The following LEF1 variants were observed in gnomAD, a reference collection of about 807,000 sequenced individuals.
LEF1 encodes lymphoid enhancer binding factor 1, also known as lymphoid enhancer-binding factor 1.
In LEF1, 14 loss-of-function variants were observed where a neutral mutation model predicts 51.2. That is an observed-to-expected ratio of 0.27 (90% CI 0.18 to 0.43). The LOEUF (loss-of-function observed/expected upper bound fraction) is 0.43, where lower values mean the gene tolerates loss of function less well. LEF1 is among the 20% of genes least tolerant of loss of function. The pLI, the probability that LEF1 is intolerant of heterozygous loss-of-function variation, is 1.00. For missense variants in LEF1, 386 were observed against 512.0 expected, an observed-to-expected ratio of 0.75 and a Z score of 2.37; for synonymous variants, 185 against 183.2, an observed-to-expected ratio of 1.01 and a Z score of -0.08.
At chr4:108,056,984 G>A (rs1466778903) in intron 11 of LEF1, among the ~76,000 whole-genome samples, 1 of 151,684 alleles carries the variant, frequency 6.6e-6, no homozygotes, top group African/African-American at 2.4e-5. Context: ...CCCAGGAGGT[G>A]CCGACCTGTG....
chr4:108,062,985 T>C (rs966372202), intron 11 of LEF1, among the ~76,000 whole-genome samples: 9 of 152,072 alleles, frequency 5.9e-5, no homozygotes, highest in Middle Eastern at 3.2e-3. Context: ...TAAAAAATTA[T>C]AGTAAAAAGA....
chr4:108,098,937 T>A (rs1740567510), intron 3 of LEF1, among the ~76,000 whole-genome samples: 1 of 152,228 alleles, frequency 6.6e-6, no homozygotes, highest in Admixed American at 6.5e-5. Flanking sequence ...AAGATCAGCA[T>A]TAAAGCTATT....
chr4:108,093,782 AG>A (rs547834484), intron 3 of LEF1, among the ~76,000 whole-genome samples: 48 of 152,326 alleles, frequency 3.2e-4, no homozygotes, highest in Non-Finnish European at 5.4e-4. Context: ...AAGAAAGAAA[AG>A]GGAGAAAATA....
chr4:108,133,397 C>T (rs1005997471), intron 3 of LEF1, among the ~76,000 whole-genome samples: 1 of 152,204 alleles, frequency 6.6e-6, no homozygotes, highest in South Asian at 2.1e-4. Context: ...TAAGCAATTA[C>T]AGACTCGTCC....
chr4:108,151,181 A>AC (rs11464068), intron 3 of LEF1, among the ~76,000 whole-genome samples: 13,486 of 152,144 alleles, frequency 0.089, 766 homozygotes, highest in African/African-American at 0.16. Context: ...CTGTCCTCTC[A>AC]CCATCAGGCT....
chr4:108,092,917 T>TAAAAAAA (rs71592104), intron 3 of LEF1, among the ~76,000 whole-genome samples: 32 of 31,110 alleles, frequency 1.0e-3, no homozygotes, highest in African/African-American at 1.8e-3. Flanking sequence ...AATGAATATG[T>TAAAAAAA]AAAAAAAAAA....
intron 3 of LEF1, among the ~76,000 whole-genome samples, chr4:108,121,036 A>G (rs1742145907): frequency 6.6e-6 from 1 of 152,240 alleles, no homozygotes; most frequent in Non-Finnish European, 1.5e-5. Flanking sequence ...CGAGACAACC[A>G]TGGCACTTTG....
rs1012370355 is a variant in LEF1 at position 108,089,407 on chromosome 4, T to C, written c.415-150A>G. ...CCTGGACAGGTGGAAATGTCTCTTTTAGAATTTTTCTGAATTTTTCCATGG... is the reference window on the plus strand; with the variant it reads ...CCTGGACAGGTGGAAATGTCTCTTTCAGAATTTTTCTGAATTTTTCCATGG... On this transcript the variant is annotated intron_variant, in intron 3 of 11. Transcript: ENST00000265165. The C allele has an allele frequency of 1.4e-5, 11 of 767,628 alleles. No homozygotes were observed. The Admixed American group carries it at 1.7e-4, about 12-fold the overall frequency. 47.6% of individuals were successfully genotyped at this position (767,628 alleles called of 1,614,324 possible).
rs191188060 is a variant in LEF1, at chr4:108,076,679, C to T, written c.1008+1541G>A. 8.4e-4 allele frequency among the ~76,000 whole-genome samples: 128 copies of T among 152,282 alleles called. 1 individual carries two copies. Among genetic ancestry groups the T allele is most frequent in the Non-Finnish European group, 1.3e-3 (87 of 68,030 alleles). On this transcript the variant is annotated intron_variant, in intron 8 of 11. Coordinates refer to ENST00000265165, the MANE Select transcript of LEF1 (RefSeq NM_016269.5). ...AGGCATGAGCCACCGTGCCCAGTGG[C>T]TGCATCTACTTTATTCAGCAATTAT...
At chr4:108,092,668 G>C (rs1238211017) in intron 3 of LEF1, among the ~76,000 whole-genome samples, 1 of 142,598 alleles carries the variant, frequency 7.0e-6, no homozygotes, top group Non-Finnish European at 1.6e-5. Flanking sequence ...GTGGGGAGTA[G>C]GTAAGCGGAA....
intron 3 of LEF1, among the ~76,000 whole-genome samples, chr4:108,090,566 T>C (rs1054582740): frequency 6.6e-6 from 1 of 152,176 alleles, no homozygotes; most frequent in African/African-American, 2.4e-5. Flanking sequence ...ATTTATTTAT[T>C]ATTTATTTTT....
intron 6 of LEF1, among the ~76,000 whole-genome samples, chr4:108,079,894 G>A (rs1739173989): frequency 6.6e-6 from 1 of 151,984 alleles, no homozygotes; most frequent in Admixed American, 6.6e-5. Context: ...TTTAAGACTT[G>A]ACTTTTTAAA....
At chr4:108,091,261 C>A (rs1440159438) in intron 3 of LEF1, among the ~76,000 whole-genome samples, 1 of 152,044 alleles carries the variant, frequency 6.6e-6, no homozygotes, top group Non-Finnish European at 1.5e-5. Flanking sequence ...TGTATGGTGG[C>A]TGTACCTACG....
chr4:108,057,998 T>C (rs572058740), intron 11 of LEF1, among the ~76,000 whole-genome samples: 2 of 151,962 alleles, frequency 1.3e-5, no homozygotes, highest in South Asian at 2.1e-4. Flanking sequence ...CTCAGCCTCC[T>C]GAGCAGCTGG....
chr4:108,080,991 G>A (rs964313575), intron 6 of LEF1, among the ~76,000 whole-genome samples: 12 of 151,414 alleles, frequency 7.9e-5, no homozygotes, highest in Non-Finnish European at 1.3e-4. Flanking sequence ...GGTGCGGCGC[G>A]GCAGGCCTCC....
At chr4:108,079,646 C>G in intron 6 of LEF1, 32 bp from the exon 7 acceptor site, 1 of 1,613,112 alleles carries the variant, frequency 6.2e-7, no homozygotes, top group Non-Finnish European at 8.5e-7. Context: ...AAACAATGTA[C>G]TACTGGCTGT....
chr4:108,167,893 G>A lies in LEF1; in HGVS notation c.-126C>T, dbSNP rs1578419392. 1 of 698,302 alleles carries A rather than the reference G, an allele frequency of 1.4e-6. No individual in the cohort carries two copies. The allele number at this position is 698,302 out of a possible 1,614,324, so 43.3% of individuals were successfully genotyped here. A position where few individuals can be genotyped will look rare whatever the true frequency, so the allele number is the denominator to read the frequency against. ...AAGGGTTCGTGCAGCAGGACAGCGG[G>A]CGGAAGCGGGGCGGGCGAGCGCGGG... On this transcript the variant is annotated 5_prime_UTR_variant, in exon 1 of 12. Coordinates refer to ENST00000265165, the MANE Select transcript of LEF1 (RefSeq NM_016269.5). The surrounding 1 kb of genome is among the most constrained non-coding windows in gnomAD (Gnocchi z 5.7).
intron 3 of LEF1, among the ~76,000 whole-genome samples, chr4:108,107,783 G>A (rs1293825470): frequency 2.0e-5 from 3 of 150,524 alleles, no homozygotes; most frequent in Middle Eastern, 3.4e-3. Context: ...CTTCACCCCC[G>A]CCCCCCAACA....
intron 9 of LEF1, among the ~76,000 whole-genome samples, chr4:108,068,237 A>G (rs147568647): frequency 0.014 from 2,143 of 152,114 alleles, 19 homozygotes; most frequent in African/African-American, 0.026. Context: ...ATTGCATTCC[A>G]GCCTGGGCAA....
Sources: gnomAD v4.1 joint callset for allele counts (sites outside exome capture counted in the v4.1 genomes callset) on GRCh38, gnomAD v4.1.1 for gene constraint, Gnocchi (gnomAD v3.1) non-coding constraint, MANE v1.5 for transcripts, NCBI Gene and HGNC (gene_info 2026-07-23, HGNC 2026-07-21) for gene names.